Variants in NEU3 observed in about 807,000 individuals in gnomAD.
NEU3 encodes neuraminidase 3.
NEU3 carries 10 observed loss-of-function variants against 11.4 expected under a neutral mutation model. That is an observed-to-expected ratio of 0.88 (90% CI 0.54 to 1.49). NEU3 has a LOEUF of 1.49. NEU3 is among the 40% of genes most tolerant of loss of function. The pLI, the probability that NEU3 is intolerant of heterozygous loss-of-function variation, is 0.00. For missense variants in NEU3, 529 were observed against 581.8 expected, an observed-to-expected ratio of 0.91 and a Z score of 0.93; for synonymous variants, 212 against 228.2, an observed-to-expected ratio of 0.93 and a Z score of 0.64.
upstream of NEU3, among the ~76,000 whole-genome samples, chr11:74,984,989 G>T (rs1948656985): frequency 6.6e-6 from 1 of 152,210 alleles, no homozygotes; most frequent in African/African-American, 2.4e-5. Flanking sequence ...GAAGTGGGAA[G>T]AGAGGATTGG....
intron 2 of NEU3, 182 bp downstream of exon 2, chr11:74,994,902 G>T (rs746602497): frequency 1.4e-5 from 10 of 704,990 alleles, no homozygotes; most frequent in South Asian, 1.3e-4. Context: ...GGCACATTGG[G>T]TCCTCACAGC....
At chr11:74,983,918 G>GT (rs368738689), upstream of NEU3, among the ~76,000 whole-genome samples, 28 of 151,696 alleles carry the variant, frequency 1.8e-4, no homozygotes, top group East Asian at 2.7e-3. Flanking sequence ...ATGATTGTTG[G>GT]TTTTTTTTTC....
chr11:75,003,048 A>G (rs950241904), intron 2 of NEU3, among the ~76,000 whole-genome samples: 1 of 152,194 alleles, frequency 6.6e-6, no homozygotes, highest in Non-Finnish European at 1.5e-5. Context: ...TACTGCGGGC[A>G]TACATTTTGT....
chr11:75,013,064 T>C (rs141647726), downstream of NEU3, among the ~76,000 whole-genome samples: 8 of 152,210 alleles, frequency 5.3e-5, no homozygotes, highest in African/African-American at 1.9e-4. Context: ...TACCTAACAG[T>C]ACATTACCAG....
intron 2 of NEU3, among the ~76,000 whole-genome samples, chr11:74,996,377 C>A (rs1344823739): frequency 6.6e-6 from 1 of 152,168 alleles, no homozygotes; most frequent in African/African-American, 2.4e-5. Context: ...ACAGCATCTT[C>A]ACCAGAAGTA....
intron 1 of NEU3, among the ~76,000 whole-genome samples, chr11:74,991,203 G>C (rs189163523): frequency 2.6e-4 from 40 of 152,300 alleles, no homozygotes; most frequent in African/African-American, 8.9e-4. Flanking sequence ...CCCTCCCGGG[G>C]AGGAGAGCCT....
chr11:74,996,394 A>G (rs1451808542), intron 2 of NEU3, among the ~76,000 whole-genome samples: 1 of 152,214 alleles, frequency 6.6e-6, no homozygotes, highest in African/African-American at 2.4e-5. Flanking sequence ...AGTAGATCCC[A>G]TCTCAAAAAA....
chr11:74,988,474 G>C (rs951256216), upstream of NEU3: 1 of 152,254 alleles, frequency 6.6e-6, no homozygotes, highest in Non-Finnish European at 1.5e-5. Flanking sequence ...ACAAATCTAT[G>C]TATGTAAATG....
intron 3 of NEU3, among the ~76,000 whole-genome samples, chr11:75,016,190 TG>T (rs1948980410): frequency 1.3e-5 from 2 of 152,176 alleles, no homozygotes; most frequent in African/African-American, 4.8e-5. Context: ...GTGAAAACTG[TG>T]GGGCTTCATT....
chr11:75,000,156 A>G (rs985179010), intron 2 of NEU3, among the ~76,000 whole-genome samples: 5 of 152,202 alleles, frequency 3.3e-5, no homozygotes, highest in African/African-American at 4.8e-5. Context: ...ACATAGCACA[A>G]TTGACTAATG....
chr11:74,983,339 A>G (rs1016267331), upstream of NEU3, among the ~76,000 whole-genome samples: 4 of 152,228 alleles, frequency 2.6e-5, no homozygotes, highest in African/African-American at 9.6e-5. Context: ...GATGTAGTCT[A>G]AAAGAAACAA....
Position 75,009,500 on chromosome 11 carries a change from AC to A in NEU3, c.*3011del, listed in dbSNP as rs1173456224. ...TCCATGATAGTGGTACCCTAACTGA[AC>A]CCATTTCAGCCACTCAGATTGATAG... On this transcript the variant is annotated 3_prime_UTR_variant, in exon 3 of 3. Coordinates refer to ENST00000294064, the MANE Select transcript of NEU3 (RefSeq NM_006656.6). 6.6e-6 allele frequency: 1 copy of A among 152,164 alleles called. No homozygotes were observed. The highest frequency in any genetic ancestry group is 2.4e-5 in the African/African-American group (1 of 41,390). 9.4% of individuals were successfully genotyped at this position (152,164 alleles called of 1,614,324 possible).
At chr11:74,990,287 G>A (rs1386406640) in intron 1 of NEU3, 3 of 410,894 alleles carry the variant, frequency 7.3e-6, no homozygotes, top group African/African-American at 6.2e-5. Context: ...AAGAAATGGA[G>A]CTGAGACTTG....
upstream of NEU3, among the ~76,000 whole-genome samples, chr11:74,984,628 G>A (rs536455122): frequency 5.9e-5 from 9 of 152,202 alleles, no homozygotes; most frequent in South Asian, 2.1e-4. Flanking sequence ...AAGTTCCCCC[G>A]ATATTCCTGT....
chr11:75,008,980 TCTTA>T lies in NEU3; in HGVS notation c.*2492_*2495del, dbSNP rs974398320. ...GAGGTCCATCTCTAAATTGCCCTCC[TCTTA>T]CTTCTTCCCCCTGCCTCATGTTTTT... On this transcript the variant is annotated 3_prime_UTR_variant, in exon 3 of 3. Transcript: ENST00000294064. 3 of 152,280 alleles carry T rather than the reference TCTTA, an allele frequency of 2.0e-5. No homozygotes were observed. The highest frequency in any genetic ancestry group is 2.1e-4 in the South Asian group (1 of 4,834). 9.4% of individuals were successfully genotyped at this position (152,280 alleles called of 1,614,324 possible).
intron 2 of NEU3, among the ~76,000 whole-genome samples, chr11:74,997,373 G>A (rs1191939551): frequency 6.6e-6 from 1 of 152,140 alleles, no homozygotes; most frequent in East Asian, 1.9e-4. Context: ...ACCTCTCTCA[G>A]CCTTTGTAGA....
At chr11:75,017,104 C>G (rs1290922713) in intron 3 of NEU3, among the ~76,000 whole-genome samples, 1 of 152,112 alleles carries the variant, frequency 6.6e-6, no homozygotes, top group Non-Finnish European at 1.5e-5. Flanking sequence ...GAATCTCCAC[C>G]CCTTATATGA....
In NEU3 at chr11:74,994,609, A is replaced by AC; in HGVS notation, c.201dup (p.Thr68HisfsTer17). 1 of 1,613,334 alleles carries AC rather than the reference A, an allele frequency of 6.2e-7. No individual in the cohort carries two copies. The highest frequency in any genetic ancestry group is 2.2e-5 in the East Asian group (1 of 44,864). On this transcript the variant is annotated frameshift_variant, in exon 2 of 3. Coordinates refer to ENST00000294064, the MANE Select transcript of NEU3 (RefSeq NM_006656.6). LOFTEE classifies it high-confidence loss of function. ...ACCGGATCCCAGCCCTGCTCTACAT[A>AC]CCCCCCACCCACACCTTCCTGGCCT...
chr11:74,988,773 G>C (rs1026114183), upstream of NEU3: 1 of 473,374 alleles, frequency 2.1e-6, no homozygotes, highest in Non-Finnish European at 3.8e-6. Context: ...GGTGGTGCCG[G>C]TCCCACGCCG....
Sources: allele counts gnomAD v4.1 joint callset (sites outside exome capture counted in the v4.1 genomes callset), GRCh38; gene constraint gnomAD v4.1.1; transcripts MANE v1.5; gene names NCBI Gene and HGNC (gene_info 2026-07-23, HGNC 2026-07-21).